Variants in ARHGAP24 observed in about 807,000 individuals in gnomAD.
ARHGAP24 encodes Rho GTPase activating protein 24.
Under a neutral mutation model 76.4 loss-of-function variants are expected in ARHGAP24, and 50 were observed. The observed-to-expected ratio is 0.65, with a 90% CI of 0.52 to 0.83. ARHGAP24 has a LOEUF of 0.83. Among genes scored for constraint, ARHGAP24 ranks in the 40% least tolerant of loss-of-function variants. ARHGAP24 has a pLI of 0.00. For missense variants in ARHGAP24, 930 were observed against 914.2 expected, an observed-to-expected ratio of 1.02 and a Z score of -0.22; for synonymous variants, 345 against 323.3, an observed-to-expected ratio of 1.07 and a Z score of -0.72.
intron 3 of ARHGAP24, among the ~76,000 whole-genome samples, chr4:85,835,447 C>T (rs1730217442): frequency 6.7e-6 from 1 of 149,820 alleles, no homozygotes; most frequent in Non-Finnish European, 1.5e-5. Context: ...GTAGTCCCAG[C>T]TGGGAGGCTG....
At chr4:85,936,042 T>TA (rs1477501162) in intron 4 of ARHGAP24, among the ~76,000 whole-genome samples, 6 of 152,188 alleles carry the variant, frequency 3.9e-5, no homozygotes, top group Non-Finnish European at 5.9e-5. Context: ...TGTACTAAAA[T>TA]GGATGTATTT....
intron 2 of ARHGAP24, among the ~76,000 whole-genome samples, chr4:85,674,484 A>G (rs1388522183): frequency 6.6e-6 from 1 of 152,238 alleles, no homozygotes; most frequent in East Asian, 1.9e-4. Context: ...CTTTAAATCA[A>G]TAAATCACCC....
chr4:85,907,321 T>G (rs1242220994), intron 3 of ARHGAP24, among the ~76,000 whole-genome samples: 4 of 152,218 alleles, frequency 2.6e-5, no homozygotes, highest in Non-Finnish European at 4.4e-5. Context: ...ATTTAAAATG[T>G]TATATTTATT....
chr4:85,681,537 A>C (rs186059250), intron 2 of ARHGAP24, among the ~76,000 whole-genome samples: 3 of 152,364 alleles, frequency 2.0e-5, no homozygotes, highest in African/African-American at 7.2e-5. Context: ...AATAGTAGAT[A>C]GCAGCTGCAT....
rs559881252 is a variant in ARHGAP24 at position 85,475,794 on chromosome 4, C to T, written c.-21+235C>T. 9.2e-4 allele frequency among the ~76,000 whole-genome samples: 139 copies of T among 150,354 alleles called. 1 individual carries two copies. The highest frequency in any genetic ancestry group is 2.9e-3 in the African/African-American group (118 of 40,802). On this transcript the variant is annotated intron_variant, in intron 1 of 9. Transcript: ENST00000395184. ...CTGTCTGTGTTTGTGTGTGTGTGTG[C>T]GCGCGCGCGCATGTTTGTGCCGGGA...
chr4:85,874,371 G>A (rs143845350), intron 3 of ARHGAP24, among the ~76,000 whole-genome samples: 1 of 152,154 alleles, frequency 6.6e-6, no homozygotes, highest in Admixed American at 6.5e-5. Flanking sequence ...TTAAATGAGA[G>A]GGGATGTGTC....
intron 2 of ARHGAP24, among the ~76,000 whole-genome samples, chr4:85,658,447 G>A (rs2109989397): frequency 6.6e-6 from 1 of 152,104 alleles, no homozygotes; most frequent in Admixed American, 6.5e-5. Flanking sequence ...TTTTTAACCT[G>A]TTGTTTGTGG....
intron 3 of ARHGAP24, among the ~76,000 whole-genome samples, chr4:85,900,339 G>T (rs1734423191): frequency 6.6e-6 from 1 of 152,052 alleles, no homozygotes; most frequent in African/African-American, 2.4e-5. Context: ...TAGAGTATGT[G>T]GCAAACACAA....
chr4:85,501,715 C>G (rs540489146), intron 1 of ARHGAP24, among the ~76,000 whole-genome samples: 1 of 152,226 alleles, frequency 6.6e-6, no homozygotes, highest in African/African-American at 2.4e-5. Context: ...TGCAGAAGCT[C>G]TTTAGTTTAA....
intron 1 of ARHGAP24, among the ~76,000 whole-genome samples, chr4:85,527,036 G>A (rs925177903): frequency 2.0e-5 from 3 of 152,040 alleles, no homozygotes; most frequent in African/African-American, 7.2e-5. Flanking sequence ...TATCCTGCAC[G>A]CTTGATTCTC....
rs148304289 is a variant in ARHGAP24 at position 85,979,501 on chromosome 4, A to T, written c.928+1810A>T. The stretch of plus-strand genomic sequence containing the variant: ...ACGAACTCCCCTTTCCCTCTCCCCC[A>T]GGCCCTGGCAACTACCCTTCTGCTT... On this transcript the variant is annotated intron_variant, in intron 8 of 9. Transcript: ENST00000395184. Among the ~76,000 whole-genome samples the T allele has an allele frequency of 7.9e-5, 12 of 152,070 alleles. No individual in the cohort carries two copies. The East Asian group carries it at 2.3e-3, about 29-fold the overall frequency.
rs949593230 is a variant in ARHGAP24, at chr4:85,930,797, C to A, written c.391+7027C>A. The stretch of plus-strand genomic sequence containing the variant: ...ATCCCTAAGCCAGGACCTGGATGAT[C>A]AAAACCTTCAAATTCTAGGGATCAG... On this transcript the variant is annotated intron_variant, in intron 4 of 9. Transcript: ENST00000395184. 30 of 1,486,906 alleles carry A rather than the reference C, an allele frequency of 2.0e-5. No homozygotes were observed. The African/African-American group carries it at 3.9e-4, about 20-fold the overall frequency. The allele number at this position is 1,486,906 out of a possible 1,614,324, so 92.1% of individuals were successfully genotyped here.
At chr4:85,599,821 C>T (rs1656236850) in intron 2 of ARHGAP24, among the ~76,000 whole-genome samples, 1 of 151,930 alleles carries the variant, frequency 6.6e-6, no homozygotes, top group African/African-American at 2.4e-5. Context: ...CATATTGTGG[C>T]CTGCAAAAGT....
intron 2 of ARHGAP24, among the ~76,000 whole-genome samples, chr4:85,598,224 T>G (rs572869142): frequency 6.6e-6 from 1 of 152,198 alleles, no homozygotes; most frequent in South Asian, 2.1e-4. Flanking sequence ...AGTAAAATTT[T>G]AGCTGTCTTC....
intron 3 of ARHGAP24, among the ~76,000 whole-genome samples, chr4:85,773,296 A>G (rs1200528327): frequency 2.6e-5 from 4 of 152,106 alleles, no homozygotes; most frequent in Non-Finnish European, 5.9e-5. Flanking sequence ...TAAAACCATA[A>G]TATCTCTTAT....
intron 3 of ARHGAP24, among the ~76,000 whole-genome samples, chr4:85,790,284 A>T (rs754294916): frequency 1.3e-5 from 2 of 152,166 alleles, no homozygotes; most frequent in African/African-American, 2.4e-5. Flanking sequence ...CACACAAATC[A>T]TTCTTTTTCA....
intron 8 of ARHGAP24, among the ~76,000 whole-genome samples, chr4:85,978,222 G>T (rs1438799133): frequency 6.6e-6 from 1 of 152,112 alleles, no homozygotes; most frequent in African/African-American, 2.4e-5. Context: ...AGCAGGCCTA[G>T]GTGCTCTATG....
chr4:85,713,134 C>A (rs898528835), intron 2 of ARHGAP24, among the ~76,000 whole-genome samples: 1 of 151,932 alleles, frequency 6.6e-6, no homozygotes, highest in East Asian at 1.9e-4. Flanking sequence ...CCCATCTCTA[C>A]AAAAAATTTA....
chr4:85,709,760 A>T (rs1437913943), intron 2 of ARHGAP24, among the ~76,000 whole-genome samples: 2 of 152,158 alleles, frequency 1.3e-5, no homozygotes, highest in African/African-American at 4.8e-5. Flanking sequence ...CAAATCAGGA[A>T]CACATGCCTA....
Sources: allele counts gnomAD v4.1 joint callset (sites outside exome capture counted in the v4.1 genomes callset), GRCh38; gene constraint gnomAD v4.1.1; transcripts MANE v1.5; gene names NCBI Gene and HGNC (gene_info 2026-07-23, HGNC 2026-07-21).